BOP1: variants seen among roughly 807,000 people sequenced by gnomAD.
The protein encoded by BOP1 is BOP1 ribosomal biogenesis factor.
Under a neutral mutation model 82.9 loss-of-function variants are expected in BOP1, and 54 were observed. The observed-to-expected ratio is 0.65, with a 90% CI of 0.52 to 0.82. The LOEUF is 0.82. BOP1 is among the 40% of genes least tolerant of loss of function. The probability of loss-of-function intolerance (pLI) is 0.00; values close to 1 mark genes in which losing one functional copy is unlikely to be tolerated. For missense variants in BOP1, 1,170 were observed against 1,072.0 expected, an observed-to-expected ratio of 1.09 and a Z score of -1.28; for synonymous variants, 566 against 451.1, an observed-to-expected ratio of 1.25 and a Z score of -3.23.
chr8:144,285,694 G>T (rs1484891620), intron 2 of BOP1, among the ~76,000 whole-genome samples: 5 of 152,252 alleles, frequency 3.3e-5, no homozygotes, highest in African/African-American at 1.2e-4. Context: ...ACTGATTCTA[G>T]AAGCCGCTCA....
Position 144,262,506 on chromosome 8 carries a change from G to C in BOP1, c.1980-3C>G. ...CCCGCAGAGCCTTCTTGTGGTGTCT[G>C]GGGGGAGGGAACCAGGTTGAAGGCA... On this transcript the variant is annotated splice_region_variant and splice_polypyrimidine_tract_variant and intron_variant, in intron 14 of 15. Coordinates refer to ENST00000569669, the MANE Select transcript of BOP1 (RefSeq NM_015201.5). 1.9e-6 allele frequency: 3 copies of C among 1,612,934 alleles called. No homozygotes were observed. Among genetic ancestry groups the C allele is most frequent in the Non-Finnish European group, 2.5e-6 (3 of 1,179,752 alleles).
chr8:144,279,862 G>A (rs189813415), intron 2 of BOP1, among the ~76,000 whole-genome samples: 73 of 152,248 alleles, frequency 4.8e-4, no homozygotes, highest in African/African-American at 1.7e-3. Flanking sequence ...GGTACCCTTC[G>A]TGAACATGGC....
intron 3 of BOP1, among the ~76,000 whole-genome samples, chr8:144,269,323 T>G (rs1845451661): frequency 1.3e-5 from 2 of 152,166 alleles, no homozygotes; most frequent in African/African-American, 4.8e-5. Flanking sequence ...GGGTGGACAA[T>G]GGCTGATGGT....
intron 3 of BOP1, among the ~76,000 whole-genome samples, 179 bp downstream of exon 3, chr8:144,276,045 G>A (rs1845563548): frequency 6.6e-6 from 1 of 152,162 alleles, no homozygotes; most frequent in Non-Finnish European, 1.5e-5. Context: ...CCCAGACCCC[G>A]AAATTGCTCT....
At chr8:144,276,387 C>A in intron 2 of BOP1, 83 bp from the exon 3 acceptor site, 1 of 1,474,776 alleles carries the variant, frequency 6.8e-7, no homozygotes, top group Non-Finnish European at 9.3e-7. Context: ...AGCCCACCAC[C>A]CCGAAATCTC....
chr8:144,277,515 G>A (rs768406880), intron 2 of BOP1, among the ~76,000 whole-genome samples: 1 of 152,262 alleles, frequency 6.6e-6, no homozygotes, highest in East Asian at 1.9e-4. Context: ...AGTGGCCGGG[G>A]CTGAAGCACC....
intron 3 of BOP1, chr8:144,268,028 C>T: frequency 6.5e-7 from 1 of 1,547,650 alleles, no homozygotes. Context: ...GAGATGGCAC[C>T]CAGCAGGGAG....
At position 144,264,901 on chromosome 8, in the gene BOP1, C is replaced by T. The variant is rs1056794065; in HGVS notation, c.545+16G>A. 9,730 of 1,610,716 alleles carry T rather than the reference C, an allele frequency of 6.0e-3. 481 individuals are homozygous for T. The African/African-American group carries it at 0.11, about 17-fold the overall frequency. On this transcript the variant is annotated intron_variant, in intron 4 of 15. Coordinates refer to ENST00000569669, the MANE Select transcript of BOP1 (RefSeq NM_015201.5). The stretch of plus-strand genomic sequence containing the variant: ...GGGCCCACCCCGGCTGCTGGCCCCA[C>T]CCCACCAGCCCTCACCAGTAGTCAG...
At chr8:144,285,969 G>A (rs1006130287) in intron 2 of BOP1, among the ~76,000 whole-genome samples, 3 of 152,252 alleles carry the variant, frequency 2.0e-5, no homozygotes, top group East Asian at 1.9e-4. Context: ...GAGGCCTCAC[G>A]TGGCCACGCT....
rs1845309137 is a variant in BOP1, at chr8:144,264,446, A to ACAGCC, written c.766-14_766-10dup. On this transcript the variant is annotated splice_polypyrimidine_tract_variant and intron_variant, in intron 6 of 15. Transcript: ENST00000569669. The stretch of plus-strand genomic sequence containing the variant: ...TGCACCATGCGAGAGACCTGCATAG[A>ACAGCC]CAGCCGGGTCAGGACGGGCAGTGCG... 5 of 1,604,968 alleles carry ACAGCC rather than the reference A, an allele frequency of 3.1e-6. No individual in the cohort carries two copies. In the Admixed American group the frequency reaches 8.3e-5, roughly 27 times the overall value.
chr8:144,284,399 C>T (rs574449243), intron 2 of BOP1, among the ~76,000 whole-genome samples: 1 of 152,314 alleles, frequency 6.6e-6, no homozygotes, highest in East Asian at 1.9e-4. Context: ...GTCAGGTCAA[C>T]TGTAAGAGCA....
intron 2 of BOP1, among the ~76,000 whole-genome samples, chr8:144,285,437 G>T (rs1213179567): frequency 6.6e-6 from 1 of 152,172 alleles, no homozygotes; most frequent in African/African-American, 2.4e-5. Context: ...GGAGTGGGGG[G>T]ACAGGCAGAA....
At chr8:144,289,732 T>C (rs957793712) in intron 1 of BOP1, among the ~76,000 whole-genome samples, 6 of 152,052 alleles carry the variant, frequency 3.9e-5, no homozygotes, top group Non-Finnish European at 7.4e-5. Context: ...CACCCTGGCA[T>C]CCAAGGCCCC....
chr8:144,276,414 G>C lies in BOP1; in HGVS notation c.310-110C>G. 7 of 1,244,590 alleles carry C rather than the reference G, an allele frequency of 5.6e-6. No homozygotes were observed. In the Middle Eastern group the frequency reaches 6.9e-4, roughly 122 times the overall value. The allele number at this position is 1,244,590 out of a possible 1,614,324, so 77.1% of individuals were successfully genotyped here. ...CGAAATCTCTGAGCAGCTCCAGCCT[G>C]GCACAGGCCTCAGCACAAGGCCGAG... On this transcript the variant is annotated intron_variant, in intron 2 of 15. Transcript: ENST00000569669.
Position 144,264,411 on chromosome 8 carries a change from C to T in BOP1, c.792G>A (p.Lys264=), listed in dbSNP as rs1845308295. Residue 264 remains lysine, a synonymous_variant, in exon 7 of 16, where the codon AAG becomes AAA. Coordinates refer to ENST00000569669, the MANE Select transcript of BOP1 (RefSeq NM_015201.5). The part of the protein sequence containing the change: ...EKVSRMVHAI[K]MGWIQPRRPR... ...GCCGGCGAGGCTGGATCCAGCCCATCTTGATGGCGTGCACCATGCGAGAGA... is the reference window on the plus strand; with the variant it reads ...GCCGGCGAGGCTGGATCCAGCCCATTTTGATGGCGTGCACCATGCGAGAGA... The T allele has an allele frequency of 2.5e-6, 4 of 1,602,842 alleles. No homozygotes were observed. The highest frequency in any genetic ancestry group is 2.2e-5 in the South Asian group (2 of 91,046).
intron 3 of BOP1, among the ~76,000 whole-genome samples, chr8:144,271,186 G>T (rs1445169519): frequency 6.6e-6 from 1 of 152,098 alleles, no homozygotes; most frequent in Non-Finnish European, 1.5e-5. Flanking sequence ...GACACAGGCC[G>T]CAACCGGCTG....
chr8:144,273,867 C>T (rs1296784188), intron 3 of BOP1, among the ~76,000 whole-genome samples: 3 of 152,234 alleles, frequency 2.0e-5, no homozygotes, highest in African/African-American at 2.4e-5. Flanking sequence ...CGCCTCCCTC[C>T]GCCTGCTCGC....
At chr8:144,266,776 AGGGCGGGGGGCCGGCGGGCCGG>A (rs1345549026) in intron 3 of BOP1, 10 of 1,062,224 alleles carry the variant, frequency 9.4e-6, no homozygotes, top group Non-Finnish European at 1.1e-5. Flanking sequence ...CGCCCGGCGG[AGGGCGGGGGGCCGGCGGGCCGG>A]GGGCGGGGGG....
chr8:144,278,953 G>C (rs587763303), intron 2 of BOP1, among the ~76,000 whole-genome samples: 114 of 152,366 alleles, frequency 7.5e-4, no homozygotes, highest in African/African-American at 2.5e-3. Context: ...TTTACTCAGG[G>C]AAAAGGAAGG....
Sources: allele counts gnomAD v4.1 joint callset (sites outside exome capture counted in the v4.1 genomes callset), GRCh38; gene constraint gnomAD v4.1.1; transcripts MANE v1.5; gene names NCBI Gene and HGNC (gene_info 2026-07-23, HGNC 2026-07-21).